Variants in EGFR observed in about 807,000 individuals in gnomAD.
EGFR encodes the protein avian erythroblastic leukemia viral (v-erb-b) oncogene homolog.
Under a neutral mutation model 143.0 loss-of-function variants are expected in EGFR, and 58 were observed. The observed-to-expected ratio is 0.41, with a 90% CI of 0.33 to 0.50. The LOEUF (loss-of-function observed/expected upper bound fraction) is 0.50. Ranked by LOEUF, EGFR falls within the 20% of genes least tolerant of loss-of-function variation. The pLI is 0.39. For missense variants in EGFR, 1,307 were observed against 1,579.0 expected, an observed-to-expected ratio of 0.83 and a Z score of 2.92; for synonymous variants, 613 against 594.4, an observed-to-expected ratio of 1.03 and a Z score of -0.45.
At chr7:55,150,162 T>G (rs939377087) in intron 4 of EGFR, among the ~76,000 whole-genome samples, 21 of 152,256 alleles carry the variant, frequency 1.4e-4, no homozygotes, top group Admixed American at 3.9e-4. Flanking sequence ...TTTTATACAA[T>G]GATTACAAGC....
intron 16 of EGFR, 186 bp from the exon 17 acceptor site, chr7:55,172,797 T>G: frequency 6.5e-7 from 1 of 1,529,012 alleles, no homozygotes; most frequent in East Asian, 2.4e-5. Context: ...GGGGAGAGCT[T>G]GAGAAAGTTG....
chr7:55,160,144 A>C lies in EGFR; in HGVS notation c.1304A>C (p.Gln435Pro). 1 of 1,614,158 alleles carries C rather than the reference A, an allele frequency of 6.2e-7. No homozygotes were observed. The highest frequency in any genetic ancestry group is 8.5e-7 in the Non-Finnish European group (1 of 1,180,022). The part of the protein sequence containing the change: ...IIRGRTKQHG[Q>P]FSLAVVSLNI... ...TTTTCTTCTCTCCAATGTAGTGGTC[A>C]GTTTTCTCTTGCAGTCGTCAGCCTG... is the stretch of plus-strand genomic sequence containing the variant. Residue 435 changes from glutamine (Q) to proline (P), a missense_variant, in exon 12 of 28, where the codon CAG becomes CCG. By Grantham distance (76) the Gln-to-Pro change is moderately conservative. This residue lies in a region of EGFR where 250 missense variants were observed against 295.1 expected (regional missense o/e 0.85). Coordinates refer to ENST00000275493, the MANE Select transcript of EGFR (RefSeq NM_005228.5).
At chr7:55,088,561 C>T (rs1294014136) in intron 1 of EGFR, among the ~76,000 whole-genome samples, 4 of 152,180 alleles carry the variant, frequency 2.6e-5, no homozygotes, top group African/African-American at 9.7e-5. Flanking sequence ...CTGGCACATG[C>T]TTGTGTTAAG....
intron 13 of EGFR, 59 bp downstream of exon 13, chr7:55,161,690 G>T: frequency 6.2e-7 from 1 of 1,613,316 alleles, no homozygotes; most frequent in South Asian, 1.1e-5. Flanking sequence ...CCAGGTTGTT[G>T]TTATAGCTTT....
chr7:55,149,916 T>C (rs1461177791), intron 4 of EGFR, among the ~76,000 whole-genome samples: 2 of 152,216 alleles, frequency 1.3e-5, no homozygotes, highest in Non-Finnish European at 2.9e-5. Flanking sequence ...TATAACACAA[T>C]GTATAGTGGG....
At chr7:55,152,743 C>T in intron 6 of EGFR, 79 bp downstream of exon 6, 1 of 1,195,572 alleles carries the variant, frequency 8.4e-7, no homozygotes. Context: ...AGAAGACTTC[C>T]TGTGGGGGAG....
rs1794779463 is a variant in EGFR at position 55,146,663 on chromosome 7, G to A, written c.482G>A (p.Ser161Asn). ...SNNPALCNVESIQWRDIVSSD... is the reference protein window; with the variant it reads ...SNNPALCNVENIQWRDIVSSD... ...AACCCTGCCCTGTGCAACGTGGAGA[G>A]CATCCAGTGGCGGGACATAGTCAGC... Residue 161 changes from serine to asparagine, a missense_variant, in exon 4 of 28, where the codon AGC becomes AAC. Ser to Asn is a conservative substitution (Grantham distance 46, BLOSUM62 1). Around this residue, in one of 7 missense-constraint regions of EGFR, gnomAD observed 311 missense variants for 412.3 expected, o/e 0.75. Coordinates refer to ENST00000275493, the MANE Select transcript of EGFR (RefSeq NM_005228.5). 1 of 1,614,124 alleles carries A rather than the reference G, an allele frequency of 6.2e-7. No individual in the cohort carries two copies. Among genetic ancestry groups the A allele is most frequent in the Non-Finnish European group, 8.5e-7 (1 of 1,179,972 alleles).
intron 1 of EGFR, among the ~76,000 whole-genome samples, chr7:55,087,178 A>G (rs1790815446): frequency 6.6e-6 from 1 of 150,570 alleles, no homozygotes; most frequent in Non-Finnish European, 1.5e-5. Flanking sequence ...CTGCATTTCC[A>G]CTGAGAACAC....
chr7:55,176,900 T>G (rs1304053266), intron 19 of EGFR, among the ~76,000 whole-genome samples: 1 of 146,946 alleles, frequency 6.8e-6, no homozygotes, highest in East Asian at 2.0e-4. Context: ...GAGATATATA[T>G]CTCTAAATAT....
intron 2 of EGFR, among the ~76,000 whole-genome samples, chr7:55,142,928 A>T (rs1452805818): frequency 6.6e-6 from 1 of 152,214 alleles, no homozygotes; most frequent in Non-Finnish European, 1.5e-5. Context: ...GGGTTTACTT[A>T]GCCTTCTTCT....
intron 1 of EGFR, among the ~76,000 whole-genome samples, chr7:55,034,632 T>TA (rs1787454097): frequency 6.6e-6 from 1 of 152,182 alleles, no homozygotes; most frequent in Non-Finnish European, 1.5e-5. Context: ...TATGGAACTG[T>TA]AAAAAATGCG....
intron 1 of EGFR, among the ~76,000 whole-genome samples, chr7:55,052,783 C>T (rs778493602): frequency 3.3e-4 from 50 of 152,318 alleles, no homozygotes; most frequent in Non-Finnish European, 6.2e-4. Flanking sequence ...GGGAATGGAG[C>T]TGGGGGCTGA....
chr7:55,091,378 G>A (rs1562705690), intron 1 of EGFR, among the ~76,000 whole-genome samples: 5 of 152,222 alleles, frequency 3.3e-5, no homozygotes, highest in Admixed American at 3.3e-4. Context: ...TCCTAATGCA[G>A]TGAAAGATGT....
chr7:55,172,996 T>C lies in EGFR; in HGVS notation c.1933T>C (p.Ser645Pro), dbSNP rs1584222146. The change falls in exon 17 of 28, where the codon TCC becomes CCC. Residue 645 changes from serine to proline, a missense_variant. This residue lies in a region of EGFR where 348 missense variants were observed against 451.5 expected (regional missense o/e 0.77). Coordinates refer to ENST00000275493, the MANE Select transcript of EGFR (RefSeq NM_005228.5). The part of the protein sequence containing the change: ...GCPTNGPKIP[S>P]IATGMVGALL... ...ACCTCATTCCAGGCCTAAGATCCCG[T>C]CCATCGCCACTGGGATGGTGGGGGC... 6.2e-7 allele frequency: 1 copy of C among 1,614,154 alleles called. No homozygotes were observed. Among genetic ancestry groups the C allele is most frequent in the Non-Finnish European group, 8.5e-7 (1 of 1,180,008 alleles).
chr7:55,192,819 C>T lies in EGFR; in HGVS notation c.2679C>T (p.His893=), dbSNP rs2128965571. ...CAATTTTACACAGAATCTATACCCA[C>T]CAGAGTGATGTCTGGAGCTACGGTG... is the stretch of plus-strand genomic sequence containing the variant. The part of the protein sequence containing the change: ...LESILHRIYT[H]QSDVWSYGVT... The change falls in exon 22 of 28, where the codon CAC becomes CAT. Residue 893 remains histidine (H), a synonymous_variant. Coordinates refer to ENST00000275493, the MANE Select transcript of EGFR (RefSeq NM_005228.5). 6.2e-7 allele frequency: 1 copy of T among 1,614,212 alleles called. No homozygotes were observed. Among genetic ancestry groups the T allele is most frequent in the Non-Finnish European group, 8.5e-7 (1 of 1,180,044 alleles).
chr7:55,056,528 C>A (rs1377886648), intron 1 of EGFR, among the ~76,000 whole-genome samples: 4 of 152,190 alleles, frequency 2.6e-5, no homozygotes, highest in Non-Finnish European at 4.4e-5. Context: ...TGCATGGTGG[C>A]TTTGCCCTTT....
chr7:55,181,364 C>T lies in EGFR; in HGVS notation c.2355C>T (p.Thr785=), dbSNP rs148188503. 321 of 1,614,108 alleles carry T rather than the reference C, an allele frequency of 2.0e-4. 2 individuals carry two copies. In the Middle Eastern group the frequency reaches 2.1e-3, roughly 11 times the overall value. ...TGCTGGGCATCTGCCTCACCTCCAC[C>T]GTGCAGCTCATCACGCAGCTCATGC... ...CRLLGICLTS[T]VQLITQLMPF... is the part of the protein sequence containing the mutation. Residue 785 remains threonine, a synonymous_variant, in exon 20 of 28, where the codon ACC becomes ACT. Transcript: ENST00000275493.
intron 15 of EGFR, among the ~76,000 whole-genome samples, chr7:55,168,320 A>G (rs1019434450): frequency 5.9e-5 from 9 of 152,208 alleles, no homozygotes; most frequent in African/African-American, 1.9e-4. Context: ...CTGCATCAAT[A>G]TCTCTATATC....
chr7:55,197,136 C>T (rs1787653327), intron 22 of EGFR, among the ~76,000 whole-genome samples: 1 of 152,134 alleles, frequency 6.6e-6, no homozygotes, highest in Non-Finnish European at 1.5e-5. Context: ...TCTTTCTATC[C>T]ATGAGCATGG....
Sources: gnomAD v4.1 joint callset for allele counts (sites outside exome capture counted in the v4.1 genomes callset) on GRCh38, gnomAD v4.1.1 for gene constraint, gnomAD v4.1.1 regional missense constraint, MANE v1.5 for transcripts, NCBI Gene and HGNC (gene_info 2026-07-23, HGNC 2026-07-21) for gene names.